The following CACNA1E variants were observed in gnomAD, a reference collection of about 807,000 sequenced individuals.
CACNA1E encodes calcium voltage-gated channel subunit alpha1 E, also known as voltage-dependent R-type calcium channel subunit alpha-1E.
Under a neutral mutation model 259.2 loss-of-function variants are expected in CACNA1E, and 40 were observed. That is an observed-to-expected ratio of 0.15 (90% CI 0.12 to 0.20). CACNA1E has a LOEUF of 0.20. Ranked by LOEUF, CACNA1E falls within the 10% of genes least tolerant of loss-of-function variation. The pLI, the probability that CACNA1E is intolerant of heterozygous loss-of-function variation, is 1.00. For synonymous variants in CACNA1E, 1,104 were observed against 1,138.5 expected (o/e 0.97, Z 0.61); for missense variants, 1,874 against 3,040.1 (o/e 0.62, Z 9.02).
chr1:181,377,749 A>G (rs1655196918), intron 1 of CACNA1E, among the ~76,000 whole-genome samples: 1 of 152,236 alleles, frequency 6.6e-6, no homozygotes, highest in Non-Finnish European at 1.5e-5. Context: ...TATTGACACT[A>G]TAATAATTCC....
intron 8 of CACNA1E, among the ~76,000 whole-genome samples, chr1:181,711,814 TG>T (rs1653396044): frequency 6.6e-6 from 1 of 151,822 alleles, no homozygotes; most frequent in Non-Finnish European, 1.5e-5. Flanking sequence ...GGAGACAGAG[TG>T]ACAGCTGTCA....
At chr1:181,719,651 C>T in intron 12 of CACNA1E, 100 bp from the exon 13 acceptor site, 1 of 574,870 alleles carries the variant, frequency 1.7e-6, no homozygotes, top group Non-Finnish European at 3.1e-6. Context: ...TTTTATTTCC[C>T]CATCCCCCAC....
chr1:181,722,873 G>T (rs184358121), intron 16 of CACNA1E, among the ~76,000 whole-genome samples: 40 of 152,256 alleles, frequency 2.6e-4, no homozygotes, highest in Middle Eastern at 3.4e-3. Context: ...CTCAATATGA[G>T]AAACTCATGA....
At chr1:181,629,971 A>G (rs1176900886) in intron 6 of CACNA1E, among the ~76,000 whole-genome samples, 1 of 152,148 alleles carries the variant, frequency 6.6e-6, no homozygotes. Context: ...GTGTTTTTTA[A>G]ATAAGAAAAG....
At chr1:181,450,445 T>C (rs1004351208) in intron 2 of CACNA1E, among the ~76,000 whole-genome samples, 3 of 149,754 alleles carry the variant, frequency 2.0e-5, no homozygotes, top group Non-Finnish European at 4.5e-5. Flanking sequence ...TGTGTGTGTG[T>C]ATGTGTGTGT....
chr1:181,393,536 C>T (rs140292826), intron 1 of CACNA1E, among the ~76,000 whole-genome samples: 5,275 of 152,282 alleles, frequency 0.035, 314 homozygotes, highest in African/African-American at 0.12. Flanking sequence ...TGGCTCACTG[C>T]AACCTCTGCC....
Position 181,798,144 on chromosome 1 carries a change from T to C in CACNA1E, c.6400-148T>C. ...GACTCCTTAATCTCTTCAATCCCTT[T>C]TTCCCTGAGTGGATGTGAATACTAC... On this transcript the variant is annotated intron_variant, in intron 47 of 47. Transcript: ENST00000367573. This position sits in a 1 kb window ranked among gnomAD's most constrained non-coding sequence, Gnocchi z 4.2. The C allele has an allele frequency of 1.5e-6, 1 of 653,072 alleles. No homozygotes were observed. Among genetic ancestry groups the C allele is most frequent in the Non-Finnish European group, 2.7e-6 (1 of 375,896 alleles). 40.5% of individuals were successfully genotyped at this position (653,072 alleles called of 1,614,324 possible). A position where few individuals can be genotyped will look rare whatever the true frequency, so the allele number is the denominator to read the frequency against.
intron 11 of CACNA1E, 40 bp from the exon 12 acceptor site, chr1:181,718,015 C>T: frequency 3.0e-6 from 3 of 1,005,948 alleles, no homozygotes; most frequent in Non-Finnish European, 4.7e-6. Context: ...ATGAGCCCAC[C>T]CCACATGTGG....
chr1:181,681,118 A>G (rs935101850), intron 7 of CACNA1E, among the ~76,000 whole-genome samples: 4 of 152,202 alleles, frequency 2.6e-5, no homozygotes, highest in African/African-American at 9.7e-5. Context: ...GGTGAAGAAC[A>G]GTTGAGGAGA....
chr1:181,321,787 C>A (rs190669106), intron 1 of CACNA1E, among the ~76,000 whole-genome samples: 3 of 152,120 alleles, frequency 2.0e-5, no homozygotes, highest in Non-Finnish European at 4.4e-5. Flanking sequence ...AAGAGTACTG[C>A]GTGGGAGACT....
At chr1:181,658,151 C>A (rs1659360240) in intron 7 of CACNA1E, among the ~76,000 whole-genome samples, 1 of 152,208 alleles carries the variant, frequency 6.6e-6, no homozygotes, top group South Asian at 2.1e-4. Context: ...CAACAAAAGC[C>A]ACTGGTGTTC....
chr1:181,753,445 A>C (rs1276167826), intron 27 of CACNA1E, among the ~76,000 whole-genome samples: 2 of 152,228 alleles, frequency 1.3e-5, no homozygotes, highest in Non-Finnish European at 2.9e-5. Flanking sequence ...CAGCTCTAGG[A>C]CTTAGAAGCT....
chr1:181,548,401 C>T (rs1647758494), intron 3 of CACNA1E, among the ~76,000 whole-genome samples: 1 of 152,178 alleles, frequency 6.6e-6, no homozygotes, highest in African/African-American at 2.4e-5. Context: ...GCTGGGATTA[C>T]AGATGTGAGC....
chr1:181,396,808 T>C (rs901712575), intron 1 of CACNA1E, among the ~76,000 whole-genome samples: 1 of 152,098 alleles, frequency 6.6e-6, no homozygotes, highest in Non-Finnish European at 1.5e-5. Context: ...AGACAAGAGG[T>C]ATCAGATCTC....
At chr1:181,649,546 A>G (rs114033662) in intron 6 of CACNA1E, among the ~76,000 whole-genome samples, 8 of 152,224 alleles carry the variant, frequency 5.3e-5, no homozygotes, top group African/African-American at 1.9e-4. Context: ...ATAAAAACAC[A>G]TGCATGCATA....
At chr1:181,334,625 A>C (rs1651551317) in intron 1 of CACNA1E, among the ~76,000 whole-genome samples, 2 of 152,050 alleles carry the variant, frequency 1.3e-5, no homozygotes, top group South Asian at 4.2e-4. Context: ...CCCACATCCA[A>C]TCTGTCAGCA....
intron 2 of CACNA1E, among the ~76,000 whole-genome samples, chr1:181,449,363 CTT>C (rs1167253226): frequency 6.6e-6 from 1 of 152,208 alleles, no homozygotes; most frequent in African/African-American, 2.4e-5. Context: ...CACATACACA[CTT>C]TTAAATAATG....
intron 18 of CACNA1E, among the ~76,000 whole-genome samples, chr1:181,727,305 G>C (rs1307521840): frequency 6.6e-6 from 1 of 152,222 alleles, no homozygotes; most frequent in Non-Finnish European, 1.5e-5. Context: ...GGAGGCAAGA[G>C]AAAGAACAGG....
intron 1 of CACNA1E, among the ~76,000 whole-genome samples, chr1:181,323,981 G>T (rs954229636): frequency 3.3e-5 from 5 of 152,224 alleles, no homozygotes; most frequent in Non-Finnish European, 7.3e-5. Context: ...AGAGGAAGGA[G>T]CCTGGGCTTG....
Sources: gnomAD v4.1 joint callset for allele counts (sites outside exome capture counted in the v4.1 genomes callset) on GRCh38, gnomAD v4.1.1 for gene constraint, Gnocchi (gnomAD v3.1) non-coding constraint, MANE v1.5 for transcripts, NCBI Gene and HGNC (gene_info 2026-07-23, HGNC 2026-07-21) for gene names.